The following SGMS1 variants were observed in gnomAD, a reference collection of about 807,000 sequenced individuals.
The protein encoded by SGMS1 is phosphatidylcholine:ceramide cholinephosphotransferase 1.
A neutral mutation model predicts 46.2 loss-of-function variants in SGMS1; 13 were observed. The ratio of observed to expected loss-of-function variants is 0.28; its 90% confidence interval spans 0.18 to 0.45. The LOEUF (loss-of-function observed/expected upper bound fraction) is 0.45, where lower values mean the gene tolerates loss of function less well. Among genes scored for constraint, SGMS1 ranks in the 20% least tolerant of loss-of-function variants. The pLI, the probability that SGMS1 is intolerant of heterozygous loss-of-function variation, is 1.00. For missense variants in SGMS1, 324 were observed against 519.9 expected, an observed-to-expected ratio of 0.62 and a Z score of 3.66; for synonymous variants, 203 against 187.8, an observed-to-expected ratio of 1.08 and a Z score of -0.66.
At chr10:50,317,043 T>C (rs1847351110) in intron 8 of SGMS1, among the ~76,000 whole-genome samples, 1 of 152,244 alleles carries the variant, frequency 6.6e-6, no homozygotes, top group African/African-American at 2.4e-5. Context: ...AAAATTCATT[T>C]CATCCATGAA....
At chr10:50,605,584 T>C (rs1257148373) in intron 1 of SGMS1, among the ~76,000 whole-genome samples, 1 of 152,186 alleles carries the variant, frequency 6.6e-6, no homozygotes. Context: ...CTCTGAAGTA[T>C]TGTGAAACCA....
At chr10:50,530,982 G>A (rs912829974) in intron 2 of SGMS1, among the ~76,000 whole-genome samples, 13 of 152,202 alleles carry the variant, frequency 8.5e-5, no homozygotes, top group Admixed American at 2.6e-4. Context: ...AACATATTGA[G>A]CAGGGAGGTT....
chr10:50,364,044 G>A (rs1848295606), intron 6 of SGMS1, among the ~76,000 whole-genome samples: 1 of 151,898 alleles, frequency 6.6e-6, no homozygotes, highest in South Asian at 2.1e-4. Context: ...TAAAAAGAGA[G>A]CTCCTGTAAA....
chr10:50,604,610 G>A (rs1838678261), intron 1 of SGMS1, among the ~76,000 whole-genome samples: 1 of 152,112 alleles, frequency 6.6e-6, no homozygotes, highest in Non-Finnish European at 1.5e-5. Flanking sequence ...ACAGTTTCAA[G>A]GTTATTCTTT....
At chr10:50,382,568 T>TACACAC (rs57835243) in intron 6 of SGMS1, among the ~76,000 whole-genome samples, 10,015 of 142,610 alleles carry the variant, frequency 0.07, 552 homozygotes, top group African/African-American at 0.15. Context: ...AACACACACA[T>TACACAC]ACACACACAC....
chr10:50,427,564 G>A (rs1251074671), intron 6 of SGMS1, among the ~76,000 whole-genome samples: 1 of 152,190 alleles, frequency 6.6e-6, no homozygotes, highest in Non-Finnish European at 1.5e-5. Flanking sequence ...AGGAAGGGGG[G>A]AAAGAGAAGG....
At chr10:50,604,741 G>T (rs1194310961) in intron 1 of SGMS1, among the ~76,000 whole-genome samples, 3 of 152,022 alleles carry the variant, frequency 2.0e-5, no homozygotes, top group Non-Finnish European at 2.9e-5. Flanking sequence ...GTCCTCGATT[G>T]ATCAACTCCA....
At chr10:50,524,196 C>T (rs1348742842) in intron 2 of SGMS1, among the ~76,000 whole-genome samples, 1 of 152,174 alleles carries the variant, frequency 6.6e-6, no homozygotes, top group Non-Finnish European at 1.5e-5. Context: ...TTAGAACAGT[C>T]TTTTCACAGA....
chr10:50,384,088 A>G (rs117352305), intron 6 of SGMS1, among the ~76,000 whole-genome samples: 2,749 of 152,268 alleles, frequency 0.018, 37 homozygotes, highest in Non-Finnish European at 0.027. Flanking sequence ...CACCTGGATC[A>G]TGGACTTTCT....
intron 6 of SGMS1, among the ~76,000 whole-genome samples, chr10:50,351,843 G>A (rs1250604951): frequency 1.3e-5 from 2 of 152,088 alleles, no homozygotes; most frequent in East Asian, 3.9e-4. Flanking sequence ...GCTACTGCTG[G>A]GAGGATTCAA....
intron 1 of SGMS1, among the ~76,000 whole-genome samples, chr10:50,592,467 AG>A (rs1261256244): frequency 6.6e-6 from 1 of 152,020 alleles, no homozygotes; most frequent in Non-Finnish European, 1.5e-5. Context: ...CTTGGGAAAA[AG>A]TATGGGGCTG....
At chr10:50,448,601 G>A (rs1012558133) in intron 5 of SGMS1, among the ~76,000 whole-genome samples, 11 of 151,940 alleles carry the variant, frequency 7.2e-5, no homozygotes, top group Non-Finnish European at 1.3e-4. Context: ...AAAATTAGCC[G>A]GGCGTGGTGG....
At chr10:50,425,752 A>T (rs1463765861) in intron 6 of SGMS1, among the ~76,000 whole-genome samples, 6 of 152,212 alleles carry the variant, frequency 3.9e-5, no homozygotes, top group African/African-American at 9.7e-5. Context: ...AAAAACGGAA[A>T]TTTTTTAAAA....
intron 2 of SGMS1, among the ~76,000 whole-genome samples, chr10:50,525,585 TAC>T (rs1174530911): frequency 6.6e-6 from 1 of 152,228 alleles, no homozygotes; most frequent in Non-Finnish European, 1.5e-5. Flanking sequence ...TGCTGGGCTC[TAC>T]ACTTCTTGGG....
intron 6 of SGMS1, among the ~76,000 whole-genome samples, chr10:50,363,398 G>A (rs1418593687): frequency 1.3e-5 from 2 of 152,136 alleles, no homozygotes; most frequent in African/African-American, 4.8e-5. Context: ...AAAAGTATGA[G>A]GAATTGGTGG....
chr10:50,524,776 A>T (rs576522011), intron 2 of SGMS1, among the ~76,000 whole-genome samples: 1 of 152,188 alleles, frequency 6.6e-6, no homozygotes, highest in South Asian at 2.1e-4. Flanking sequence ...CATGAAACAT[A>T]GTTAGTTGAA....
Sources: gnomAD v4.1 joint callset for allele counts (sites outside exome capture counted in the v4.1 genomes callset) on GRCh38, gnomAD v4.1.1 for gene constraint, MANE v1.5 for transcripts, NCBI Gene and HGNC (gene_info 2026-07-23, HGNC 2026-07-21) for gene names.